Variants in TBC1D26 observed in about 807,000 individuals in gnomAD.
The protein encoded by TBC1D26 is TBC1 domain family member 26, also known as TBC1 domain family, member 26.
Under a neutral mutation model 42.5 loss-of-function variants are expected in TBC1D26, and 19 were observed. The ratio of observed to expected loss-of-function variants is 0.45; its 90% CI spans 0.31 to 0.66. The LOEUF is 0.66. Among genes scored for constraint, TBC1D26 ranks in the 30% least tolerant of loss-of-function variants. The pLI is 0.06. For synonymous variants in TBC1D26, 97 were observed against 123.5 expected (o/e 0.79, Z 1.42); for missense variants, 228 against 332.6 (o/e 0.69, Z 2.45).
intron 4 of TBC1D26, among the ~76,000 whole-genome samples, chr17:15,736,828 G>T (rs1163183979): frequency 1.3e-5 from 2 of 152,402 alleles, no homozygotes; most frequent in East Asian, 3.9e-4. Flanking sequence ...GATCTGGGAG[G>T]TCTCACTCAG....
chr17:15,742,727 G>A (rs189265405), intron 12 of TBC1D26, among the ~76,000 whole-genome samples, 182 bp from the exon 13 acceptor site: 45 of 152,348 alleles, frequency 3.0e-4, no homozygotes, highest in African/African-American at 1.0e-3. Context: ...AAGCCACAGC[G>A]CAGTTGAGAT....
chr17:15,738,032 G>A lies in TBC1D26; in HGVS notation c.234G>A (p.Trp78Ter). The A allele has an allele frequency of 6.2e-7, 1 of 1,614,202 alleles. No individual in the cohort carries two copies. Among genetic ancestry groups the A allele is most frequent in the Admixed American group, 1.7e-5 (1 of 60,032 alleles). ...AGGAAAGTAAACGTACCAACAAGTG[G>A]CAAAAGATGCTTGCAGACTGGACAA... is the stretch of plus-strand genomic sequence containing the variant. ...RRKESKRTNK[W>*]QKMLADWTKY... The change falls in exon 6 of 15, where the codon TGG (tryptophan) becomes TGA (stop). Residue 78 changes from tryptophan to a stop codon, truncating the protein, a stop_gained. Coordinates refer to ENST00000437605, the MANE Select transcript of TBC1D26 (RefSeq NM_001388465.1). LOFTEE classifies it high-confidence loss of function.
chr17:15,741,918 G>C lies in TBC1D26; in HGVS notation c.647-24G>C, dbSNP rs763084367. ...ACATTTTGGGCGTGGGGTCTGATGG[G>C]GTGATGGGTCGCGGGCTTCTCAGTA... On this transcript the variant is annotated intron_variant, in intron 10 of 14. Coordinates refer to ENST00000437605, the MANE Select transcript of TBC1D26 (RefSeq NM_001388465.1). The C allele has an allele frequency of 1.9e-6, 3 of 1,612,026 alleles. No homozygotes were observed. The Admixed American group carries it at 5.0e-5, about 27-fold the overall frequency.
chr17:15,741,113 C>A lies in TBC1D26; in HGVS notation c.547-9C>A. On this transcript the variant is annotated splice_polypyrimidine_tract_variant and intron_variant, in intron 9 of 14. Transcript: ENST00000437605. ...TGACATCTTTCCACGGTGACTCTGG[C>A]TCTTGCAGGAGGTGGGCTACCACAG... is the stretch of plus-strand genomic sequence containing the variant. 6.2e-7 allele frequency: 1 copy of A among 1,608,792 alleles called. No homozygotes were observed. The highest frequency in any genetic ancestry group is 8.5e-7 in the Non-Finnish European group (1 of 1,179,874).
In TBC1D26 at chr17:15,741,338, T is replaced by C. The variant is rs1967773215; in HGVS notation, c.646+117T>C. On this transcript the variant is annotated intron_variant, in intron 10 of 14. Coordinates refer to ENST00000437605, the MANE Select transcript of TBC1D26 (RefSeq NM_001388465.1). ...ACTTCCAGGCAAGGTGCCTGCCTTG[T>C]ATCCCAGCTTGTTTGGAGCCTCCAG... is the stretch of plus-strand genomic sequence containing the variant. 5 of 1,558,860 alleles carry C rather than the reference T, an allele frequency of 3.2e-6. No homozygotes were observed. The African/African-American group carries it at 4.0e-5, about 13-fold the overall frequency.
intron 1 of TBC1D26, among the ~76,000 whole-genome samples, chr17:15,734,361 G>T (rs969661918): frequency 6.6e-6 from 1 of 152,146 alleles, no homozygotes; most frequent in African/African-American, 2.4e-5. Flanking sequence ...CACAGGAGGA[G>T]GTCTCACCAA....
At chr17:15,740,306 G>A (rs1967744174) in intron 9 of TBC1D26, 158 bp downstream of exon 9, 1 of 1,587,470 alleles carries the variant, frequency 6.3e-7, no homozygotes, top group Non-Finnish European at 8.6e-7. Flanking sequence ...AAGGGCTGAA[G>A]CCCAGACTCC....
In TBC1D26 at chr17:15,735,692, T is replaced by TC. The variant is rs1462429445; in HGVS notation, c.158+19dup. 1.6e-6 allele frequency: 1 copy of TC among 615,424 alleles called. No individual in the cohort carries two copies. The highest frequency in any genetic ancestry group is 2.0e-5 in the South Asian group (1 of 50,246). 38.1% of individuals were successfully genotyped at this position (615,424 alleles called of 1,614,324 possible). A position where few individuals can be genotyped will look rare whatever the true frequency, so the allele number is the denominator to read the frequency against. On this transcript the variant is annotated intron_variant, in intron 4 of 14. Coordinates refer to ENST00000437605, the MANE Select transcript of TBC1D26 (RefSeq NM_001388465.1). ...TCGGGATTGTGCAGTAAGTCCTCTG[T>TC]CCCCCCGACCCCAGCCACCAATCTC...
At chr17:15,742,347 G>A (rs1238664250) in intron 11 of TBC1D26, 67 bp from the exon 12 acceptor site, 2 of 422,756 alleles carry the variant, frequency 4.7e-6, no homozygotes, top group African/African-American at 2.0e-5. Flanking sequence ...GTCTGCAGAG[G>A]GGCCTGGAAG....
Position 15,738,077 on chromosome 17 carries a change from G to A in TBC1D26, c.279G>A (p.Lys93=). The A allele has an allele frequency of 6.2e-7, 1 of 1,614,202 alleles. No individual in the cohort carries two copies. The highest frequency in any genetic ancestry group is 1.3e-5 in the African/African-American group (1 of 75,054). The change falls in exon 6 of 15, where the codon AAG becomes AAA. Residue 93 remains lysine, a splice_region_variant and synonymous_variant. Coordinates refer to ENST00000437605, the MANE Select transcript of TBC1D26 (RefSeq NM_001388465.1). ...GGACAAAATATAGGAGCACCAAGAA[G>A]GTAACATGGGGAGGAAGTGGCCCGC... is the stretch of plus-strand genomic sequence containing the variant. ...ADWTKYRSTK[K]LSQRVYKVIP...
At position 15,738,488 on chromosome 17, in the gene TBC1D26, G is replaced by A. The variant is rs1355923460; in HGVS notation, c.387+101G>A. 1.2e-5 allele frequency: 18 copies of A among 1,454,562 alleles called. No individual in the cohort carries two copies. The South Asian group carries it at 1.6e-4, about 13-fold the overall frequency. The allele number at this position is 1,454,562 out of a possible 1,614,324, so 90.1% of individuals were successfully genotyped here. A position where few individuals can be genotyped will look rare whatever the true frequency, so the allele number is the denominator to read the frequency against. On this transcript the variant is annotated intron_variant, in intron 7 of 14. Transcript: ENST00000437605. Reference sequence around the variant, plus strand: ...GAACGTTGAGCCTGGGTTGGGAGTGGGGGCTGTGGTCAGACGCACATCCTG... The same window carrying A: ...GAACGTTGAGCCTGGGTTGGGAGTGAGGGCTGTGGTCAGACGCACATCCTG...
chr17:15,735,314 T>C (rs1469818195), intron 2 of TBC1D26, 34 bp from the exon 3 acceptor site: 11 of 1,606,614 alleles, frequency 6.8e-6, no homozygotes, highest in Non-Finnish European at 8.5e-6. Flanking sequence ...AGCTCTTGGG[T>C]GCGGGAGAGC....
rs200358966 is a variant in TBC1D26 at position 15,740,077 on chromosome 17, A to C, written c.498-23A>C. ...GCGTCTGCACACACACAAAAAAAAA[A>C]CCCTCTTTCCCCTCTTTTCTAGGCA... On this transcript the variant is annotated intron_variant, in intron 8 of 14. Coordinates refer to ENST00000437605, the MANE Select transcript of TBC1D26 (RefSeq NM_001388465.1). The C allele has an allele frequency of 2.4e-4, 372 of 1,582,550 alleles. 1 individual carries two copies. The East Asian group carries it at 4.0e-3, about 17-fold the overall frequency.
intron 10 of TBC1D26, chr17:15,741,429 C>A (rs547201928): frequency 3.6e-6 from 3 of 829,522 alleles, no homozygotes; most frequent in Non-Finnish European, 3.6e-6. Flanking sequence ...TCAAGTCAGA[C>A]GGCTTTCATC....
chr17:15,736,363 C>T (rs1197265849), intron 4 of TBC1D26: 2 of 155,154 alleles, frequency 1.3e-5, no homozygotes, highest in African/African-American at 2.4e-5. Context: ...GCCCCTGAGA[C>T]CTGCCACTTC....
Position 15,741,952 on chromosome 17 carries a change from C to T in TBC1D26, c.657C>T (p.Ser219=), listed in dbSNP as rs529472345. ...ALTQLLAVFY[S]PNTAWLERLL... ...TCGCGGGCTTCTCAGTATTCTACAGCCCAAATACTGCCTGGCTCGAGAGGC... is the reference window on the plus strand; with the variant it reads ...TCGCGGGCTTCTCAGTATTCTACAGTCCAAATACTGCCTGGCTCGAGAGGC... The change falls in exon 11 of 15, where the codon AGC becomes AGT. Residue 219 remains serine, a synonymous_variant. Transcript: ENST00000437605. 1.9e-6 allele frequency: 3 copies of T among 1,613,934 alleles called. No individual in the cohort carries two copies. The highest frequency in any genetic ancestry group is 2.5e-6 in the Non-Finnish European group (3 of 1,179,992).
chr17:15,741,654 A>T (rs1397296468), intron 10 of TBC1D26: 2 of 485,024 alleles, frequency 4.1e-6, no homozygotes, highest in Non-Finnish European at 7.4e-6. Flanking sequence ...CCCCACATCC[A>T]AGAGATAGCC....
rs779157810 is a variant in TBC1D26 at position 15,741,187 on chromosome 17, A to C, written c.612A>C (p.Glu204Asp). 6.2e-7 allele frequency: 1 copy of C among 1,613,618 alleles called. No individual in the cohort carries two copies. Among genetic ancestry groups the C allele is most frequent in the African/African-American group, 1.3e-5 (1 of 74,916 alleles). ...TCCTCCTCCTGTGTCTGCCAGAGGA[A>C]GATGCTTTCTGGGCGCTTACCCAGT... ...TAILLLCLPEEDAFWALTQLL... is the reference protein window; with the variant it reads ...TAILLLCLPEDDAFWALTQLL... The change falls in exon 10 of 15, where the codon GAA (glutamate) becomes GAC (aspartate). Residue 204 changes from glutamate to aspartate, a missense_variant. Glu to Asp is a conservative substitution (Grantham distance 45, BLOSUM62 2). Coordinates refer to ENST00000437605, the MANE Select transcript of TBC1D26 (RefSeq NM_001388465.1).
At chr17:15,735,285 T>A in intron 2 of TBC1D26, 63 bp from the exon 3 acceptor site, 1 of 1,140,842 alleles carries the variant, frequency 8.8e-7, no homozygotes, top group Non-Finnish European at 1.3e-6. Context: ...GCAGTGCGTG[T>A]GGTTTGGCTG....
Sources: allele counts gnomAD v4.1 joint callset (sites outside exome capture counted in the v4.1 genomes callset), GRCh38; gene constraint gnomAD v4.1.1; transcripts MANE v1.5; gene names NCBI Gene and HGNC (gene_info 2026-07-23, HGNC 2026-07-21).